RAB28: variants seen among roughly 807,000 people sequenced by gnomAD.
The protein encoded by RAB28 is RAB28, member RAS oncogene family.
A neutral mutation model predicts 31.7 loss-of-function variants in RAB28; 24 were observed. The observed-to-expected ratio is 0.76, with a 90% confidence interval of 0.55 to 1.06. The LOEUF (loss-of-function observed/expected upper bound fraction) is 1.06. RAB28 is among the 50% of genes least tolerant of loss of function. The pLI, the probability that RAB28 is intolerant of heterozygous loss-of-function variation, is 0.00. For synonymous variants in RAB28, 100 were observed against 90.4 expected, an observed-to-expected ratio of 1.11 and a Z score of -0.60; for missense variants, 254 against 258.5, an observed-to-expected ratio of 0.98 and a Z score of 0.12.
chr4:13,430,215 A>C (rs1713738689), intron 4 of RAB28, among the ~76,000 whole-genome samples: 1 of 152,224 alleles, frequency 6.6e-6, no homozygotes, highest in Non-Finnish European at 1.5e-5. Context: ...AACAAGGAGC[A>C]GAAAACAGCT....
At position 13,464,348 on chromosome 4, in the gene RAB28, TA is replaced by T. The variant is rs552136210; in HGVS notation, c.262-3521del. ...CATAAAAAAGGCATACTCTGCAGAA[TA>T]AATGGCTTAATCAGAACATTGTATT... On this transcript the variant is annotated intron_variant, in intron 3 of 6. Transcript: ENST00000330852. 2.0e-5 allele frequency among the ~76,000 whole-genome samples: 3 copies of T among 152,220 alleles called. No homozygotes were observed. In the South Asian group the frequency reaches 6.2e-4, roughly 32 times the overall value.
chr4:13,390,961 A>C (rs1394007387), intron 4 of RAB28, among the ~76,000 whole-genome samples: 1 of 152,200 alleles, frequency 6.6e-6, no homozygotes, highest in African/African-American at 2.4e-5. Flanking sequence ...CCAAGAAGAA[A>C]ACCTGGGCAA....
chr4:13,388,839 T>C (rs1415015232), intron 4 of RAB28, among the ~76,000 whole-genome samples: 1 of 152,078 alleles, frequency 6.6e-6, no homozygotes, highest in Admixed American at 6.5e-5. Context: ...GAAACACTAA[T>C]GTTTGTTGGT....
intron 4 of RAB28, among the ~76,000 whole-genome samples, chr4:13,443,301 G>A (rs112440568): frequency 2.0e-5 from 3 of 151,904 alleles, no homozygotes; most frequent in African/African-American, 7.3e-5. Context: ...AGCCTCCTGA[G>A]TAGCTAGGAC....
intron 4 of RAB28, among the ~76,000 whole-genome samples, chr4:13,410,184 C>A (rs926169585): frequency 3.3e-5 from 5 of 152,120 alleles, no homozygotes; most frequent in Non-Finnish European, 7.4e-5. Context: ...AACCTCTTTT[C>A]TTTATAAATT....
intron 4 of RAB28, among the ~76,000 whole-genome samples, chr4:13,447,392 C>T (rs991353090): frequency 2.0e-5 from 3 of 152,162 alleles, no homozygotes; most frequent in African/African-American, 7.2e-5. Context: ...TTAAAGAGCC[C>T]TGCCTGCGCC....
At chr4:13,473,762 CATGGA>C (rs1716222106) in intron 3 of RAB28, 1 of 305,090 alleles carries the variant, frequency 3.3e-6, no homozygotes, top group Non-Finnish European at 6.5e-6. Flanking sequence ...TCTTGCTCTA[CATGGA>C]TTTTCTTCTG....
In RAB28 at chr4:13,460,799, A is replaced by C; in HGVS notation, c.291T>G (p.Asn97Lys). ...QGVLLVYDIT[N>K]YQSFENLEDW... ...CTTCTAAATTCTCAAAGCTTTGATA[A>C]TTTGTAATATCATATACCAAGAGGA... Residue 97 changes from asparagine (N) to lysine (K), a missense_variant, in exon 4 of 7, where the codon AAT becomes AAG. By Grantham distance (94) the Asn-to-Lys change is moderately conservative. Coordinates refer to ENST00000330852, the MANE Select transcript of RAB28 (RefSeq NM_001017979.3). 1.2e-6 allele frequency: 2 copies of C among 1,613,388 alleles called. No homozygotes were observed. The highest frequency in any genetic ancestry group is 1.7e-6 in the Non-Finnish European group (2 of 1,179,386).
At chr4:13,439,670 T>C (rs74698291) in intron 4 of RAB28, among the ~76,000 whole-genome samples, 2,525 of 152,338 alleles carry the variant, frequency 0.017, 62 homozygotes, top group African/African-American at 0.058. Flanking sequence ...ACCTATGTTT[T>C]CGTCTAAGAT....
intron 4 of RAB28, among the ~76,000 whole-genome samples, chr4:13,435,031 A>AG (rs1392661501): frequency 4.2e-4 from 64 of 150,686 alleles, no homozygotes; most frequent in Admixed American, 8.6e-4. Context: ...AAAAAAAAAA[A>AG]AAAAGAAAAG....
chr4:13,458,397 T>C (rs1715415862), intron 4 of RAB28, among the ~76,000 whole-genome samples: 1 of 151,736 alleles, frequency 6.6e-6, no homozygotes, highest in Non-Finnish European at 1.5e-5. Flanking sequence ...CACTGCTTCC[T>C]AAACAATTAC....
chr4:13,477,223 A>G (rs1188261830), intron 2 of RAB28, among the ~76,000 whole-genome samples: 2 of 151,700 alleles, frequency 1.3e-5, no homozygotes, highest in East Asian at 3.9e-4. Flanking sequence ...CATCCAGACT[A>G]TACAGCATAC....
At chr4:13,459,376 T>C (rs1449547611) in intron 4 of RAB28, among the ~76,000 whole-genome samples, 1 of 152,184 alleles carries the variant, frequency 6.6e-6, no homozygotes, top group Non-Finnish European at 1.5e-5. Flanking sequence ...ATCTATCCTA[T>C]TAGTTCTGCC....
At chr4:13,385,728 CTT>C (rs1729341410) in intron 4 of RAB28, among the ~76,000 whole-genome samples, 1 of 152,180 alleles carries the variant, frequency 6.6e-6, no homozygotes, top group Admixed American at 6.5e-5. Context: ...CAAAAACACA[CTT>C]AAGTACACGG....
intron 6 of RAB28, among the ~76,000 whole-genome samples, chr4:13,372,408 C>G (rs941245976): frequency 1.3e-5 from 2 of 152,004 alleles, no homozygotes; most frequent in Admixed American, 1.3e-4. Context: ...AAACATTGGG[C>G]AAGTTATTTC....
At chr4:13,459,700 T>A in intron 4 of RAB28, 3 of 946,582 alleles carry the variant, frequency 3.2e-6, no homozygotes, top group Middle Eastern at 5.4e-4. Context: ...AAAAATTATA[T>A]TTCAGAAAAA....
chr4:13,400,463 T>C (rs867616135), intron 4 of RAB28, among the ~76,000 whole-genome samples: 1 of 152,152 alleles, frequency 6.6e-6, no homozygotes, highest in African/African-American at 2.4e-5. Context: ...TTGAAAATGG[T>C]GTTTGCTGTC....
At chr4:13,413,064 G>A (rs1177214479) in intron 4 of RAB28, among the ~76,000 whole-genome samples, 1 of 152,032 alleles carries the variant, frequency 6.6e-6, no homozygotes, top group Non-Finnish European at 1.5e-5. Flanking sequence ...CTAATATGCA[G>A]ATAACTGGTG....
intron 4 of RAB28, among the ~76,000 whole-genome samples, chr4:13,458,420 AT>A (rs1357409916): frequency 2.0e-5 from 3 of 151,996 alleles, no homozygotes; most frequent in Non-Finnish European, 4.4e-5. Context: ...AGAAAAAAAA[AT>A]GTACTACATT....
Sources: gnomAD v4.1 joint callset for allele counts (sites outside exome capture counted in the v4.1 genomes callset) on GRCh38, gnomAD v4.1.1 for gene constraint, MANE v1.5 for transcripts, NCBI Gene and HGNC (gene_info 2026-07-23, HGNC 2026-07-21) for gene names.